PDE6D: variants seen among roughly 807,000 people sequenced by gnomAD.
The protein encoded by PDE6D is retinal rod rhodopsin-sensitive cGMP 3',5'-cyclic phosphodiesterase subunit delta.
A neutral mutation model predicts 21.9 loss-of-function variants in PDE6D; 10 were observed. The observed-to-expected ratio is 0.46, with a 90% confidence interval of 0.28 to 0.78. The LOEUF (loss-of-function observed/expected upper bound fraction) is 0.78. PDE6D is among the 30% of genes least tolerant of loss of function. The pLI is 0.12. For synonymous variants in PDE6D, 59 were observed against 63.5 expected (o/e 0.93, Z 0.34); for missense variants, 139 against 184.8 (o/e 0.75, Z 1.44).
intron 1 of PDE6D, among the ~76,000 whole-genome samples, chr2:231,753,324 C>A (rs1294781605): frequency 6.6e-6 from 1 of 150,972 alleles, no homozygotes; most frequent in Non-Finnish European, 1.5e-5. Flanking sequence ...GAGATCAAGA[C>A]CATCCTGGCT....
At chr2:231,776,613 A>C (rs556289673) in intron 1 of PDE6D, among the ~76,000 whole-genome samples, 65 of 152,364 alleles carry the variant, frequency 4.3e-4, no homozygotes, top group Admixed American at 2.0e-3. Context: ...ATTCCTTCTA[A>C]ACAGACATAA....
chr2:231,743,466 T>C (rs1301253512), intron 1 of PDE6D, among the ~76,000 whole-genome samples: 2 of 146,944 alleles, frequency 1.4e-5, no homozygotes, highest in Non-Finnish European at 3.0e-5. Context: ...TCTCAAAATA[T>C]AACAAAGGGT....
intron 1 of PDE6D, among the ~76,000 whole-genome samples, chr2:231,746,224 C>T (rs1049391597): frequency 3.7e-4 from 56 of 152,122 alleles, no homozygotes; most frequent in African/African-American, 1.3e-3. Context: ...TCACTGCAAC[C>T]TCCACGTCCC....
intron 1 of PDE6D, among the ~76,000 whole-genome samples, chr2:231,747,420 CT>C (rs2048803091): frequency 6.6e-6 from 1 of 152,150 alleles, no homozygotes; most frequent in Non-Finnish European, 1.5e-5. Context: ...AAAGAGTGTG[CT>C]AACTGAAGAG....
chr2:231,735,038 C>A (rs1238757657), intron 4 of PDE6D, among the ~76,000 whole-genome samples: 1 of 150,018 alleles, frequency 6.7e-6, no homozygotes, highest in Admixed American at 6.6e-5. Context: ...GTCAGGAGAT[C>A]GAGACCATCC....
chr2:231,765,233 AC>A (rs2048960662), intron 1 of PDE6D, among the ~76,000 whole-genome samples: 2 of 152,206 alleles, frequency 1.3e-5, no homozygotes, highest in Middle Eastern at 6.8e-3. Flanking sequence ...GGATCTTACC[AC>A]TGCACTTCAG....
At chr2:231,778,859 C>T (rs1027714230) in intron 1 of PDE6D, 1 of 152,114 alleles carries the variant, frequency 6.6e-6, no homozygotes, top group Non-Finnish European at 1.5e-5. Context: ...AAAAGACTGA[C>T]CTAGTCAACG....
intron 4 of PDE6D, among the ~76,000 whole-genome samples, chr2:231,735,134 C>G (rs927473137): frequency 3.4e-5 from 5 of 146,688 alleles, no homozygotes; most frequent in African/African-American, 1.3e-4. Context: ...CCCAGCTACT[C>G]GGAAGGCTGA....
intron 1 of PDE6D, among the ~76,000 whole-genome samples, chr2:231,776,492 G>C (rs541414355): frequency 6.6e-6 from 1 of 151,978 alleles, no homozygotes; most frequent in Non-Finnish European, 1.5e-5. Context: ...TTAAACATTA[G>C]CTACATTAGA....
At chr2:231,780,951 C>T (rs2049114879) in intron 1 of PDE6D, 114 bp downstream of exon 1, 3 of 936,740 alleles carry the variant, frequency 3.2e-6, no homozygotes, top group South Asian at 1.4e-5. Flanking sequence ...TCTCCCCTCC[C>T]GCGGCCCTTC....
intron 1 of PDE6D, among the ~76,000 whole-genome samples, chr2:231,766,176 T>G (rs546006270): frequency 2.0e-4 from 30 of 152,276 alleles, no homozygotes; most frequent in African/African-American, 6.7e-4. Context: ...AGTGGTGATA[T>G]CCCCGTGAAA....
At chr2:231,768,077 T>C (rs2048986621) in intron 1 of PDE6D, among the ~76,000 whole-genome samples, 1 of 152,004 alleles carries the variant, frequency 6.6e-6, no homozygotes, top group Non-Finnish European at 1.5e-5. Context: ...ACTCCTGAGC[T>C]CAAGGGATCC....
chr2:231,753,843 C>T (rs945510030), intron 1 of PDE6D, among the ~76,000 whole-genome samples: 8 of 152,130 alleles, frequency 5.3e-5, no homozygotes, highest in Non-Finnish European at 8.8e-5. Flanking sequence ...AACTTCTTAG[C>T]TTAGTATTGA....
intron 1 of PDE6D, among the ~76,000 whole-genome samples, chr2:231,763,662 G>A (rs1409672717): frequency 1.4e-5 from 2 of 147,846 alleles, no homozygotes; most frequent in African/African-American, 2.5e-5. Context: ...TAGAGACAGG[G>A]TCTCACTCTG....
At chr2:231,780,834 C>A (rs2049111643) in intron 1 of PDE6D, among the ~76,000 whole-genome samples, 1 of 152,180 alleles carries the variant, frequency 6.6e-6, no homozygotes, top group African/African-American at 2.4e-5. Flanking sequence ...CGTCTCCACC[C>A]GCCACCCCCC....
At chr2:231,745,874 G>T (rs1267977423) in intron 1 of PDE6D, among the ~76,000 whole-genome samples, 1 of 152,080 alleles carries the variant, frequency 6.6e-6, no homozygotes, top group African/African-American at 2.4e-5. Context: ...AGGTATAGAA[G>T]GCAGTGAAGG....
intron 1 of PDE6D, among the ~76,000 whole-genome samples, chr2:231,763,969 T>C (rs2048951327): frequency 2.6e-5 from 4 of 151,904 alleles, no homozygotes; most frequent in Admixed American, 2.0e-4. Context: ...TTAATCTCAC[T>C]GTATTTTACA....
chr2:231,738,345 C>G (rs968177346), intron 2 of PDE6D, among the ~76,000 whole-genome samples: 1 of 152,060 alleles, frequency 6.6e-6, no homozygotes, highest in African/African-American at 2.4e-5. Flanking sequence ...AATTGGTCAC[C>G]CGTATCTGAA....
chr2:231,769,866 A>G (rs540053514), intron 1 of PDE6D, among the ~76,000 whole-genome samples: 2 of 152,356 alleles, frequency 1.3e-5, no homozygotes, highest in African/African-American at 4.8e-5. Context: ...CTAAATGCAT[A>G]ATAACACTCT....
Sources: allele counts gnomAD v4.1 joint callset (sites outside exome capture counted in the v4.1 genomes callset), GRCh38; gene constraint gnomAD v4.1.1; transcripts MANE v1.5; gene names NCBI Gene and HGNC (gene_info 2026-07-23, HGNC 2026-07-21).